The following PLSCR4 variants were observed in gnomAD, a reference collection of about 807,000 sequenced individuals.
PLSCR4 encodes the protein Ca(2+)-dependent phospholipid scramblase 4.
Under a neutral mutation model 36.3 loss-of-function variants are expected in PLSCR4, and 25 were observed. That is an observed-to-expected ratio of 0.69 (90% CI 0.50 to 0.96). PLSCR4 has a LOEUF of 0.96. PLSCR4 is among the 40% of genes least tolerant of loss of function. The probability of loss-of-function intolerance (pLI) is 0.00; values close to 1 mark genes in which losing one functional copy is unlikely to be tolerated. For synonymous variants in PLSCR4, 122 were observed against 132.9 expected (o/e 0.92, Z 0.56); for missense variants, 408 against 414.7 (o/e 0.98, Z 0.14).
intron 1 of PLSCR4, among the ~76,000 whole-genome samples, chr3:146,245,075 T>C (rs2036288068): frequency 1.3e-5 from 2 of 152,052 alleles, no homozygotes; most frequent in Non-Finnish European, 2.9e-5. Flanking sequence ...TACCTGCAGA[T>C]GTGAGAGAAT....
intron 1 of PLSCR4, among the ~76,000 whole-genome samples, chr3:146,224,337 A>G (rs79394833): frequency 6.6e-6 from 1 of 152,232 alleles, no homozygotes; most frequent in Non-Finnish European, 1.5e-5. Flanking sequence ...TCAAAATTAT[A>G]GCACAACAGA....
chr3:146,221,413 G>A (rs977763749), intron 2 of PLSCR4, among the ~76,000 whole-genome samples: 3 of 152,140 alleles, frequency 2.0e-5, no homozygotes, highest in Non-Finnish European at 2.9e-5. Flanking sequence ...AACTGAATTA[G>A]CAATAGTTTA....
At chr3:146,238,746 T>C (rs779981680) in intron 1 of PLSCR4, among the ~76,000 whole-genome samples, 19 of 152,128 alleles carry the variant, frequency 1.2e-4, no homozygotes, top group Non-Finnish European at 2.4e-4. Flanking sequence ...CAAGAGTATG[T>C]ACTGTTACTA....
intron 1 of PLSCR4, among the ~76,000 whole-genome samples, chr3:146,240,769 G>A (rs1405369826): frequency 1.3e-5 from 2 of 152,170 alleles, no homozygotes; most frequent in Non-Finnish European, 2.9e-5. Context: ...CAGTCTGGCA[G>A]TTCCTCAAAA....
At chr3:146,196,542 T>G in intron 7 of PLSCR4, 90 bp downstream of exon 7, 6 of 1,239,298 alleles carry the variant, frequency 4.8e-6, no homozygotes, top group Non-Finnish European at 7.0e-6. Context: ...TTCATTCACA[T>G]TAAAAAAAAA....
intron 1 of PLSCR4, among the ~76,000 whole-genome samples, chr3:146,249,542 G>C (rs2036468342): frequency 6.6e-6 from 1 of 151,660 alleles, no homozygotes; most frequent in South Asian, 2.1e-4. Flanking sequence ...CCACAGTTTT[G>C]TAACACCTTT....
chr3:146,193,934 C>CT lies in PLSCR4; in HGVS notation c.*476dup, dbSNP rs2033561408. On this transcript the variant is annotated 3_prime_UTR_variant, in exon 9 of 9. Coordinates refer to ENST00000354952, the MANE Select transcript of PLSCR4 (RefSeq NM_020353.3). ...AACATCATTATTTCTGTCTGCCTGC[C>CT]TTTTTGTTTTTAAAAATGAAGACTA... is the stretch of plus-strand genomic sequence containing the variant. 1 of 152,492 alleles carries CT rather than the reference C, an allele frequency of 6.6e-6. No individual in the cohort carries two copies. Among genetic ancestry groups the CT allele is most frequent in the Admixed American group, 6.5e-5 (1 of 15,290 alleles). 9.4% of individuals were successfully genotyped at this position (152,492 alleles called of 1,614,324 possible).
At chr3:146,236,185 GA>G (rs779401191) in intron 1 of PLSCR4, among the ~76,000 whole-genome samples, 2 of 152,022 alleles carry the variant, frequency 1.3e-5, no homozygotes, top group African/African-American at 2.4e-5. Context: ...AAGACAATGG[GA>G]AAAAATGCCT....
intron 2 of PLSCR4, among the ~76,000 whole-genome samples, chr3:146,221,441 C>T (rs2035138150): frequency 6.6e-6 from 1 of 152,152 alleles, no homozygotes; most frequent in African/African-American, 2.4e-5. Flanking sequence ...TCTCCAGTGA[C>T]TCACATTTTC....
At chr3:146,212,280 T>C (rs2036979) in intron 3 of PLSCR4, among the ~76,000 whole-genome samples, 51,001 of 151,786 alleles carry the variant, frequency 0.34, 9,005 homozygotes, top group South Asian at 0.45. Context: ...TTTTTAATGT[T>C]ATTGTATGTG....
intron 3 of PLSCR4, among the ~76,000 whole-genome samples, chr3:146,212,020 A>T (rs2108262287): frequency 6.6e-6 from 1 of 152,164 alleles, no homozygotes; most frequent in Non-Finnish European, 1.5e-5. Flanking sequence ...TGTTTAGGCT[A>T]TTCTGAATCC....
In PLSCR4 at chr3:146,206,702, AT is replaced by A. The variant is rs770976575; in HGVS notation, c.177del (p.Tyr60ThrfsTer38). On this transcript the variant is annotated frameshift_variant, in exon 4 of 9. Coordinates refer to ENST00000354952, the MANE Select transcript of PLSCR4 (RefSeq NM_020353.3). LOFTEE classifies it high-confidence loss of function. ...PTGYPGGLPM[G>X]YYSPQQPSTF... The stretch of plus-strand genomic sequence containing the variant: ...GTACTGGGTTGCTGTGGACTGTAGT[AT>A]CCCATAGGCAAGCCTCCTGGGTAGC... 1 of 1,611,754 alleles carries A rather than the reference AT, an allele frequency of 6.2e-7. No individual in the cohort carries two copies. Among genetic ancestry groups the A allele is most frequent in the Admixed American group, 1.7e-5 (1 of 59,552 alleles).
chr3:146,229,114 A>G (rs545428364), intron 1 of PLSCR4, among the ~76,000 whole-genome samples: 2 of 152,328 alleles, frequency 1.3e-5, no homozygotes, highest in South Asian at 4.1e-4. Flanking sequence ...TGCATAATAG[A>G]GAATTATTCT....
chr3:146,241,423 G>A (rs2036145863), intron 1 of PLSCR4, among the ~76,000 whole-genome samples: 1 of 152,046 alleles, frequency 6.6e-6, no homozygotes, highest in African/African-American at 2.4e-5. Context: ...AATTACCAGA[G>A]ATAAGAAGGG....
At chr3:146,246,447 A>G (rs1246604689) in intron 1 of PLSCR4, among the ~76,000 whole-genome samples, 1 of 152,080 alleles carries the variant, frequency 6.6e-6, no homozygotes, top group African/African-American at 2.4e-5. Flanking sequence ...TGGCTTTAAT[A>G]TAAAATAAAA....
chr3:146,205,203 G>T (rs930025435), intron 4 of PLSCR4, among the ~76,000 whole-genome samples: 2 of 151,910 alleles, frequency 1.3e-5, no homozygotes, highest in Non-Finnish European at 2.9e-5. Context: ...GATTCAGAAG[G>T]TTCTATGGAA....
In PLSCR4 at chr3:146,195,125, A is replaced by G; in HGVS notation, c.944T>C (p.Ile315Thr). Residue 315 changes from isoleucine to threonine, a missense_variant and splice_region_variant, in exon 8 of 9, where the codon ATT becomes ACT. Physicochemically the swap from Ile to Thr is moderately conservative, Grantham distance 89 (BLOSUM62 -1). Coordinates refer to ENST00000354952, the MANE Select transcript of PLSCR4 (RefSeq NM_020353.3). ...KAMIFGACFLIDFMYFERSPP... is the reference protein window; with the variant it reads ...KAMIFGACFLTDFMYFERSPP... ...ATAACTCAAAAATAGAAGGCTTACA[A>G]TGAGGAAGCAAGCTCCAAAAATCAT... 4.3e-6 allele frequency: 7 copies of G among 1,613,490 alleles called. No individual in the cohort carries two copies. Among genetic ancestry groups the G allele is most frequent in the Non-Finnish European group, 5.9e-6 (7 of 1,179,562 alleles).
rs2108197895 is a variant in PLSCR4 at position 146,195,265 on chromosome 3, G to A, written c.804C>T (p.Gly268=). ...DSVFEVKSLD[G]ISNIGSIIRK... ...GGATAATACTGCCGATGTTGGATATGCCATCAAGGGATTTGACCTGGAATG... is the reference window on the plus strand; with the variant it reads ...GGATAATACTGCCGATGTTGGATATACCATCAAGGGATTTGACCTGGAATG... The change falls in exon 8 of 9, where the codon GGC becomes GGT. Residue 268 remains glycine, a synonymous_variant. Coordinates refer to ENST00000354952, the MANE Select transcript of PLSCR4 (RefSeq NM_020353.3). 1 of 1,613,238 alleles carries A rather than the reference G, an allele frequency of 6.2e-7. No individual in the cohort carries two copies. The highest frequency in any genetic ancestry group is 8.5e-7 in the Non-Finnish European group (1 of 1,179,314).
intron 1 of PLSCR4, among the ~76,000 whole-genome samples, chr3:146,233,011 A>T (rs1000286752): frequency 9.7e-4 from 148 of 152,264 alleles, no homozygotes; most frequent in African/African-American, 3.3e-3. Flanking sequence ...ATGATGTACC[A>T]CAAGACTGAT....
Sources: gnomAD v4.1 joint callset for allele counts (sites outside exome capture counted in the v4.1 genomes callset) on GRCh38, gnomAD v4.1.1 for gene constraint, MANE v1.5 for transcripts, NCBI Gene and HGNC (gene_info 2026-07-23, HGNC 2026-07-21) for gene names.